SLC39A11: variants seen among roughly 807,000 people sequenced by gnomAD.
SLC39A11 encodes solute carrier family 39 member 11, also known as zinc transporter ZIP11.
SLC39A11 carries 33 observed loss-of-function variants against 36.1 expected under a neutral mutation model. The observed-to-expected ratio is 0.91, with a 90% CI of 0.69 to 1.22. The LOEUF (loss-of-function observed/expected upper bound fraction) is 1.22, where lower values mean the gene tolerates loss of function less well. Among genes scored for constraint, SLC39A11 ranks in the 50% most tolerant of loss-of-function variants. SLC39A11 has a pLI of 0.00. For missense variants in SLC39A11, 432 were observed against 430.3 expected (o/e 1.00, Z -0.03); for synonymous variants, 166 against 170.3 (o/e 0.97, Z 0.20).
At chr17:72,672,110 T>A (rs991954495) in intron 7 of SLC39A11, among the ~76,000 whole-genome samples, 8 of 152,196 alleles carry the variant, frequency 5.3e-5, no homozygotes, top group African/African-American at 1.9e-4. Context: ...TTGACTGTGG[T>A]AATCATTTCA....
At chr17:72,922,939 T>G (rs1271174056) in intron 5 of SLC39A11, among the ~76,000 whole-genome samples, 2 of 115,226 alleles carry the variant, frequency 1.7e-5, no homozygotes, top group African/African-American at 6.9e-5. Flanking sequence ...CCAGCCTGGG[T>G]GATAGAGTGG....
At chr17:72,834,840 G>A (rs2078451767) in intron 6 of SLC39A11, among the ~76,000 whole-genome samples, 1 of 152,198 alleles carries the variant, frequency 6.6e-6, no homozygotes. Flanking sequence ...GTGGAAATGA[G>A]TCTTGATTTT....
intron 4 of SLC39A11, among the ~76,000 whole-genome samples, chr17:73,026,263 C>G (rs1179756040): frequency 2.0e-5 from 2 of 100,000 alleles, no homozygotes; most frequent in East Asian, 4.3e-4. Context: ...GTGGCTCACA[C>G]TTGTAACACC....
At chr17:72,675,362 C>G (rs1206101949) in intron 7 of SLC39A11, among the ~76,000 whole-genome samples, 1 of 152,214 alleles carries the variant, frequency 6.6e-6, no homozygotes, top group African/African-American at 2.4e-5. Flanking sequence ...CTCACGGGCA[C>G]TGAATCTGCT....
intron 5 of SLC39A11, among the ~76,000 whole-genome samples, chr17:72,906,590 A>C (rs1476273325): frequency 6.6e-6 from 1 of 152,134 alleles, no homozygotes; most frequent in Non-Finnish European, 1.5e-5. Context: ...GCTGTGAGAG[A>C]TATACACTGA....
chr17:72,783,552 G>A (rs2076396447), intron 6 of SLC39A11, among the ~76,000 whole-genome samples: 1 of 152,252 alleles, frequency 6.6e-6, no homozygotes, highest in Non-Finnish European at 1.5e-5. Context: ...CAGATGGCTG[G>A]AGGGCAGCAA....
intron 4 of SLC39A11, among the ~76,000 whole-genome samples, chr17:73,027,353 GCTGCACCTT>G (rs1487461282): frequency 6.6e-6 from 1 of 152,194 alleles, no homozygotes; most frequent in African/African-American, 2.4e-5. Flanking sequence ...GGCCCAGTAG[GCTGCACCTT>G]CCTTGTCCAC....
chr17:73,074,836 A>T (rs1474790238), intron 3 of SLC39A11, among the ~76,000 whole-genome samples: 1 of 152,204 alleles, frequency 6.6e-6, no homozygotes, highest in South Asian at 2.1e-4. Context: ...GGATGAAATA[A>T]TAGATATTAA....
intron 3 of SLC39A11, chr17:73,068,414 C>A (rs2060061959): frequency 4.7e-6 from 2 of 422,360 alleles, no homozygotes; most frequent in Non-Finnish European, 8.4e-6. Context: ...GGAAACATCA[C>A]CACCAGTACA....
intron 5 of SLC39A11, 71 bp downstream of exon 5, chr17:72,947,681 C>T (rs1283919868): frequency 1.9e-6 from 3 of 1,608,018 alleles, no homozygotes; most frequent in East Asian, 2.2e-5. Flanking sequence ...CCACCAGCCC[C>T]CACGTCCATA....
rs144224841 is a variant in SLC39A11 at position 72,945,561 on chromosome 17, G to A, written c.430+2191C>T. ...GGTGTGTCCAGGTGAGAAGAACAGCGACCTTTCAAGAGATGGCTGGGAGAT... is the reference window on the plus strand; with the variant it reads ...GGTGTGTCCAGGTGAGAAGAACAGCAACCTTTCAAGAGATGGCTGGGAGAT... On this transcript the variant is annotated intron_variant, in intron 5 of 9. Coordinates refer to ENST00000255559, the MANE Select transcript of SLC39A11 (RefSeq NM_139177.4). Among the ~76,000 whole-genome samples, 789 of 152,294 alleles carry A rather than the reference G, an allele frequency of 5.2e-3. 12 individuals are homozygous for A. Among genetic ancestry groups the A allele is most frequent in the African/African-American group, 0.018 (751 of 41,564 alleles).
intron 3 of SLC39A11, among the ~76,000 whole-genome samples, chr17:73,083,903 A>T (rs929377385): frequency 1.3e-5 from 2 of 152,232 alleles, no homozygotes; most frequent in African/African-American, 4.8e-5. Context: ...TTTGGTAGGT[A>T]TAATGGCCAT....
Position 72,861,688 on chromosome 17 carries a change from T to TATATATA in SLC39A11, c.431-11885_431-11884insTATATAT, listed in dbSNP as rs1169877556. On this transcript the variant is annotated intron_variant, in intron 5 of 9. Transcript: ENST00000255559. Reference sequence around the variant, plus strand: ...ATATATATATATATATATATATATATAAAATATATATATTGGATATATATA... The same window carrying TATATATA: ...ATATATATATATATATATATATATATATATATAAAAATATATATATTGGATATATATA... 2.5e-4 allele frequency among the ~76,000 whole-genome samples: 22 copies of TATATATA among 88,782 alleles called. 1 individual carries two copies. The highest frequency in any genetic ancestry group is 8.9e-4 in the African/African-American group (20 of 22,594). The allele number at this position is 88,782 out of a possible 152,430, so 58.2% of individuals were successfully genotyped here.
At chr17:72,976,159 G>A (rs1210113941) in intron 4 of SLC39A11, among the ~76,000 whole-genome samples, 14 of 104,612 alleles carry the variant, frequency 1.3e-4, no homozygotes, top group Admixed American at 1.4e-4. Context: ...GACAGAGCGC[G>A]ACTCCATCTC....
intron 4 of SLC39A11, among the ~76,000 whole-genome samples, chr17:72,969,407 T>C (rs528892704): frequency 1.3e-5 from 2 of 152,144 alleles, no homozygotes; most frequent in East Asian, 1.9e-4. Context: ...ACAGGATCCA[T>C]TTCAATTCTC....
At chr17:72,671,554 C>G (rs1441658160) in intron 7 of SLC39A11, among the ~76,000 whole-genome samples, 1 of 152,140 alleles carries the variant, frequency 6.6e-6, no homozygotes, top group Non-Finnish European at 1.5e-5. Context: ...AACTCAATCT[C>G]TACTAAAAAT....
At position 72,647,632 on chromosome 17, in the gene SLC39A11, G is replaced by A; in HGVS notation, c.960C>T (p.Ser320=). The A allele has an allele frequency of 6.2e-7, 1 of 1,614,006 alleles. No individual in the cohort carries two copies. Among genetic ancestry groups the A allele is most frequent in the South Asian group, 1.1e-5 (1 of 91,048 alleles). Residue 320 remains serine, a synonymous_variant, in exon 10 of 10, where the codon TCC becomes TCT. Coordinates refer to ENST00000255559, the MANE Select transcript of SLC39A11 (RefSeq NM_139177.4). ...ACATCATCACTACAAATCCCAGGAT[G>A]GAGGCCCAGGATGCCAGTTTCCCAT... ...SGNGKLASWA[S]ILGFVVMMSL...
intron 4 of SLC39A11, among the ~76,000 whole-genome samples, chr17:72,973,809 C>T (rs540989151): frequency 6.6e-6 from 1 of 152,292 alleles, no homozygotes; most frequent in Non-Finnish European, 1.5e-5. Context: ...GATCCACGTA[C>T]CTCGGACTCC....
At chr17:72,822,423 T>C (rs2077832680) in intron 6 of SLC39A11, among the ~76,000 whole-genome samples, 1 of 150,696 alleles carries the variant, frequency 6.6e-6, no homozygotes. Context: ...TAAAATTTTC[T>C]AGACATATGA....
Sources: allele counts gnomAD v4.1 joint callset (sites outside exome capture counted in the v4.1 genomes callset), GRCh38; gene constraint gnomAD v4.1.1; transcripts MANE v1.5; gene names NCBI Gene and HGNC (gene_info 2026-07-23, HGNC 2026-07-21).